The following FRAS1 variants were observed in gnomAD, a reference collection of about 807,000 sequenced individuals.
FRAS1 encodes the protein Fraser extracellular matrix complex subunit 1, also known as extracellular matrix organizing protein FRAS1.
In FRAS1, 290 loss-of-function variants were observed where a neutral mutation model predicts 435.2. The observed-to-expected ratio is 0.67, with a 90% CI of 0.61 to 0.73. The LOEUF is 0.73. Among genes scored for constraint, FRAS1 ranks in the 30% least tolerant of loss-of-function variants. FRAS1 has a pLI of 0.00. For synonymous variants in FRAS1, 1,800 were observed against 1,851.0 expected (o/e 0.97, Z 0.71); for missense variants, 4,860 against 5,001.5 (o/e 0.97, Z 0.85).
At chr4:78,518,441 T>TAA (rs375812969) in intron 66 of FRAS1, among the ~76,000 whole-genome samples, 1 of 132,154 alleles carries the variant, frequency 7.6e-6, no homozygotes, top group Non-Finnish European at 1.6e-5. Flanking sequence ...TATATATATA[T>TAA]ATATATATAT....
chr4:78,531,128 T>G (rs1405755902), intron 70 of FRAS1, among the ~76,000 whole-genome samples: 2 of 152,232 alleles, frequency 1.3e-5, no homozygotes, highest in Admixed American at 6.5e-5. Context: ...ACTCATGATT[T>G]GGCTCTCTGT....
intron 41 of FRAS1, among the ~76,000 whole-genome samples, chr4:78,444,514 A>C (rs1718724082): frequency 6.6e-6 from 1 of 152,206 alleles, no homozygotes; most frequent in Admixed American, 6.5e-5. Context: ...GGAGAAGGGA[A>C]GGGGAAAGCC....
chr4:78,309,966 A>G (rs893374039), intron 15 of FRAS1, among the ~76,000 whole-genome samples: 1 of 152,194 alleles, frequency 6.6e-6, no homozygotes, highest in Non-Finnish European at 1.5e-5. Context: ...CAAAAATGAG[A>G]TGATTTTAGG....
At chr4:78,147,802 G>A (rs980838306) in intron 2 of FRAS1, among the ~76,000 whole-genome samples, 21 of 152,200 alleles carry the variant, frequency 1.4e-4, no homozygotes, top group Admixed American at 7.9e-4. Flanking sequence ...AGATGTTAGG[G>A]ATCCCCTGGG....
At chr4:78,147,584 C>A (rs1260516282) in intron 2 of FRAS1, among the ~76,000 whole-genome samples, 6 of 152,108 alleles carry the variant, frequency 3.9e-5, no homozygotes, top group African/African-American at 1.4e-4. Context: ...CAATTAAGGG[C>A]AAGTGGAAGC....
At chr4:78,124,507 T>A (rs1719225644) in intron 2 of FRAS1, among the ~76,000 whole-genome samples, 1 of 152,218 alleles carries the variant, frequency 6.6e-6, no homozygotes, top group Admixed American at 6.5e-5. Flanking sequence ...TAGGGAGGAT[T>A]CTATCTTTTT....
chr4:78,446,165 C>T (rs1308210141), intron 42 of FRAS1: 14 of 1,004,040 alleles, frequency 1.4e-5, no homozygotes, highest in East Asian at 2.1e-4. Context: ...CTTGCTCTAC[C>T]GAGAGAGAGA....
intron 2 of FRAS1, among the ~76,000 whole-genome samples, chr4:78,114,056 G>T (rs990772431): frequency 3.9e-5 from 6 of 152,130 alleles, no homozygotes; most frequent in Non-Finnish European, 7.4e-5. Context: ...TGGCTAGCCA[G>T]TTTTCCCAGC....
intron 14 of FRAS1, among the ~76,000 whole-genome samples, chr4:78,287,239 C>G (rs1005912230): frequency 6.6e-6 from 1 of 152,154 alleles, no homozygotes; most frequent in African/African-American, 2.4e-5. Context: ...ATCATGAGAA[C>G]AGCATGGGGG....
rs779029974 is a variant in FRAS1 at position 78,281,896 on chromosome 4, G to A, written c.1107+463G>A. 2.5e-4 allele frequency among the ~76,000 whole-genome samples: 38 copies of A among 152,162 alleles called. 1 individual carries two copies. The highest frequency in any genetic ancestry group is 3.9e-4 in the Admixed American group (6 of 15,266). On this transcript the variant is annotated intron_variant, in intron 11 of 73. Coordinates refer to ENST00000512123, the MANE Select transcript of FRAS1 (RefSeq NM_025074.7). ...TTTCTTTCAAAGGGAAAATGCAAGCGTTTAACACAGCAATCTTACAATAAG... is the reference window on the plus strand; with the variant it reads ...TTTCTTTCAAAGGGAAAATGCAAGCATTTAACACAGCAATCTTACAATAAG...
At chr4:78,293,583 T>C (rs1168886849) in intron 14 of FRAS1, among the ~76,000 whole-genome samples, 1 of 152,194 alleles carries the variant, frequency 6.6e-6, no homozygotes, top group Non-Finnish European at 1.5e-5. Context: ...ATGTGACTTA[T>C]AAAATCAACT....
chr4:78,094,596 T>C (rs1357291836), intron 2 of FRAS1, among the ~76,000 whole-genome samples: 1 of 152,140 alleles, frequency 6.6e-6, no homozygotes, highest in African/African-American at 2.4e-5. Flanking sequence ...TCCTCTTTTT[T>C]GGTGAAAATT....
intron 3 of FRAS1, among the ~76,000 whole-genome samples, chr4:78,238,983 T>C: frequency 6.6e-6 from 1 of 152,254 alleles, no homozygotes; most frequent in East Asian, 1.9e-4. Context: ...GAAAATTATG[T>C]GAAATCAAAT....
At chr4:78,411,071 C>G (rs1034385124) in intron 31 of FRAS1, among the ~76,000 whole-genome samples, 4 of 149,988 alleles carry the variant, frequency 2.7e-5, no homozygotes, top group Admixed American at 2.7e-4. Context: ...TCTTTTTTTT[C>G]TTTAAAGCAG....
intron 2 of FRAS1, among the ~76,000 whole-genome samples, chr4:78,180,256 A>C (rs1306906887): frequency 6.6e-6 from 1 of 152,172 alleles, no homozygotes; most frequent in African/African-American, 2.4e-5. Context: ...TCTGTATATA[A>C]AGATTTAGCA....
intron 2 of FRAS1, among the ~76,000 whole-genome samples, chr4:78,167,279 C>T (rs908607664): frequency 4.6e-5 from 7 of 152,136 alleles, no homozygotes; most frequent in East Asian, 3.9e-4. Flanking sequence ...AGGAATAAAA[C>T]GATTCCTACT....
intron 9 of FRAS1, among the ~76,000 whole-genome samples, chr4:78,276,186 C>G (rs1727019104): frequency 1.3e-5 from 2 of 152,222 alleles, no homozygotes; most frequent in Admixed American, 1.3e-4. Flanking sequence ...AAGGACTTCT[C>G]TACACTGGTT....
intron 70 of FRAS1, among the ~76,000 whole-genome samples, chr4:78,528,392 C>T (rs1721607956): frequency 1.3e-5 from 2 of 152,176 alleles, no homozygotes; most frequent in South Asian, 2.1e-4. Context: ...AAAGATTCCT[C>T]GTGTGCCTTT....
intron 5 of FRAS1, 138 bp downstream of exon 5, chr4:78,252,689 T>A: frequency 1.2e-6 from 1 of 863,286 alleles, no homozygotes; most frequent in Non-Finnish European, 1.8e-6. Flanking sequence ...ATAGAAAGAG[T>A]ACAAAGAGAG....
Sources: allele counts gnomAD v4.1 joint callset (sites outside exome capture counted in the v4.1 genomes callset), GRCh38; gene constraint gnomAD v4.1.1; transcripts MANE v1.5; gene names NCBI Gene and HGNC (gene_info 2026-07-23, HGNC 2026-07-21).